SPAG16: variants seen among roughly 807,000 people sequenced by gnomAD.
SPAG16 encodes the protein sperm associated antigen 16, also known as sperm-associated antigen 16 protein.
In SPAG16, 86 loss-of-function variants were observed where a neutral mutation model predicts 80.4. The observed-to-expected ratio is 1.07, with a 90% CI of 0.90 to 1.28. The LOEUF (loss-of-function observed/expected upper bound fraction) is 1.28, where lower values mean the gene tolerates loss of function less well. SPAG16 is among the 50% of genes most tolerant of loss of function. SPAG16 has a pLI of 0.00. For synonymous variants in SPAG16, 294 were observed against 265.9 expected (o/e 1.11, Z -1.03); for missense variants, 870 against 765.3 (o/e 1.14, Z -1.61).
chr2:214,394,077 T>C (rs1334729637), intron 15 of SPAG16, among the ~76,000 whole-genome samples: 2 of 152,176 alleles, frequency 1.3e-5, no homozygotes, highest in Non-Finnish European at 2.9e-5. Context: ...ATGGATAGTG[T>C]TGCTTAATGA....
At chr2:214,190,355 A>T (rs1382977397) in intron 15 of SPAG16, among the ~76,000 whole-genome samples, 2 of 152,094 alleles carry the variant, frequency 1.3e-5, no homozygotes, top group African/African-American at 4.8e-5. Context: ...TAATTTGAAA[A>T]TTTTTGAGCA....
At chr2:213,493,685 C>T (rs1019229592) in intron 10 of SPAG16, among the ~76,000 whole-genome samples, 5 of 152,172 alleles carry the variant, frequency 3.3e-5, no homozygotes, top group African/African-American at 1.2e-4. Context: ...AAGGGATTCT[C>T]CTGCCTCAGC....
chr2:213,906,727 C>G (rs549136595), intron 11 of SPAG16, among the ~76,000 whole-genome samples: 2 of 152,286 alleles, frequency 1.3e-5, no homozygotes, highest in East Asian at 1.9e-4. Flanking sequence ...TTACAGCCAA[C>G]TGATTTTCAA....
intron 15 of SPAG16, among the ~76,000 whole-genome samples, chr2:214,163,341 C>T (rs796307270): frequency 6.6e-6 from 1 of 151,670 alleles, no homozygotes; most frequent in Admixed American, 6.6e-5. Flanking sequence ...CTTTTTATGG[C>T]AATTTGTTTT....
chr2:213,956,593 G>A (rs1041592537), intron 12 of SPAG16, among the ~76,000 whole-genome samples: 1 of 150,972 alleles, frequency 6.6e-6, no homozygotes, highest in Admixed American at 6.6e-5. Context: ...GATTACAGGT[G>A]CATGCCACGA....
At chr2:214,384,001 T>TAATA (rs1196937210) in intron 15 of SPAG16, among the ~76,000 whole-genome samples, 1 of 152,324 alleles carries the variant, frequency 6.6e-6, no homozygotes, top group East Asian at 1.9e-4. Flanking sequence ...TCCAGGTGAT[T>TAATA]AATATATATT....
chr2:213,481,823 GA>G (rs745526235), intron 9 of SPAG16, among the ~76,000 whole-genome samples: 1 of 152,216 alleles, frequency 6.6e-6, no homozygotes, highest in Non-Finnish European at 1.5e-5. Flanking sequence ...CCATTTCTCA[GA>G]AAAGGTCTGT....
intron 10 of SPAG16, among the ~76,000 whole-genome samples, chr2:213,608,237 A>G (rs2061330632): frequency 1.3e-5 from 2 of 152,122 alleles, no homozygotes; most frequent in Admixed American, 6.5e-5. Flanking sequence ...GGTTTGTTAC[A>G]TATGTATACA....
At chr2:213,819,777 G>C (rs1002087175) in intron 10 of SPAG16, among the ~76,000 whole-genome samples, 1 of 151,194 alleles carries the variant, frequency 6.6e-6, no homozygotes, top group African/African-American at 2.4e-5. Context: ...TTTTTTTTGA[G>C]ACAGAGTCTT....
chr2:213,932,597 A>C lies in SPAG16; in HGVS notation c.1400+2452A>C, dbSNP rs1284813720. 2.0e-5 allele frequency among the ~76,000 whole-genome samples: 3 copies of C among 152,264 alleles called. No individual in the cohort carries two copies. The East Asian group carries it at 5.8e-4, about 29-fold the overall frequency. On this transcript the variant is annotated intron_variant, in intron 12 of 15. Coordinates refer to ENST00000331683, the MANE Select transcript of SPAG16 (RefSeq NM_024532.5). ...GTTTAGAATACATTCTTCTCTTTTC[A>C]CACCCGTCCTTTCCTTCAAGCTTCT... is the stretch of plus-strand genomic sequence containing the variant.
At chr2:213,293,478 A>G (rs929983361) in intron 1 of SPAG16, among the ~76,000 whole-genome samples, 71 of 152,326 alleles carry the variant, frequency 4.7e-4, no homozygotes, top group African/African-American at 1.7e-3. Flanking sequence ...TGGCATCCAC[A>G]TTGTTTTCTT....
intron 9 of SPAG16, among the ~76,000 whole-genome samples, chr2:213,382,723 C>T (rs933703246): frequency 4.6e-5 from 7 of 152,212 alleles, no homozygotes; most frequent in Non-Finnish European, 8.8e-5. Context: ...TGTTTCTTCT[C>T]TGGCACAAGC....
At chr2:214,262,885 G>A (rs543443112) in intron 15 of SPAG16, among the ~76,000 whole-genome samples, 2 of 152,000 alleles carry the variant, frequency 1.3e-5, no homozygotes, top group Middle Eastern at 3.4e-3. Flanking sequence ...TTAAATTGTG[G>A]TGTTTTTAAA....
chr2:214,186,748 GTTGTTTTT>G (rs933328622), intron 15 of SPAG16, among the ~76,000 whole-genome samples: 21 of 151,922 alleles, frequency 1.4e-4, no homozygotes, highest in Admixed American at 7.2e-4. Context: ...TATGCAAGTA[GTTGTTTTT>G]TTGTTTTTTT....
chr2:213,993,611 T>C (rs1208544987), intron 12 of SPAG16, among the ~76,000 whole-genome samples: 2 of 152,208 alleles, frequency 1.3e-5, no homozygotes, highest in East Asian at 1.9e-4. Context: ...TAAATATCCA[T>C]ATAGCTTTTT....
intron 9 of SPAG16, among the ~76,000 whole-genome samples, chr2:213,404,172 A>G (rs1345994733): frequency 6.6e-6 from 1 of 152,176 alleles, no homozygotes. Context: ...CCATCAAGCT[A>G]CCAATGACTT....
intron 13 of SPAG16, among the ~76,000 whole-genome samples, chr2:214,020,110 A>C (rs1213247718): frequency 6.6e-6 from 1 of 152,082 alleles, no homozygotes; most frequent in Non-Finnish European, 1.5e-5. Context: ...TTTATTTCAC[A>C]ACTGAGAAAG....
chr2:213,434,768 A>G (rs1464910309), intron 9 of SPAG16, among the ~76,000 whole-genome samples: 1 of 152,240 alleles, frequency 6.6e-6, no homozygotes, highest in Non-Finnish European at 1.5e-5. Context: ...ATCTGACGTA[A>G]GTCAGAATAT....
At chr2:213,965,473 C>T (rs2044662590) in intron 12 of SPAG16, among the ~76,000 whole-genome samples, 1 of 152,148 alleles carries the variant, frequency 6.6e-6, no homozygotes, top group Non-Finnish European at 1.5e-5. Flanking sequence ...TACCTCAGGG[C>T]ATAAGTTGCT....
Sources: gnomAD v4.1 joint callset for allele counts (sites outside exome capture counted in the v4.1 genomes callset) on GRCh38, gnomAD v4.1.1 for gene constraint, MANE v1.5 for transcripts, NCBI Gene and HGNC (gene_info 2026-07-23, HGNC 2026-07-21) for gene names.